ASB10: variants seen among roughly 807,000 people sequenced by gnomAD.
The protein encoded by ASB10 is ankyrin repeat and SOCS box containing 10.
ASB10 carries 44 observed loss-of-function variants against 35.4 expected under a neutral mutation model. The observed-to-expected ratio is 1.24, with a 90% CI of 0.98 to 1.60. The LOEUF is 1.60. ASB10 is among the 40% of genes most tolerant of loss of function. ASB10 has a pLI of 0.00. For synonymous variants in ASB10, 294 were observed against 280.4 expected (o/e 1.05, Z -0.49); for missense variants, 647 against 634.3 (o/e 1.02, Z -0.22).
At chr7:151,179,049 T>A (rs772682005) in intron 3 of ASB10, among the ~76,000 whole-genome samples, 5 of 152,192 alleles carry the variant, frequency 3.3e-5, no homozygotes, top group Non-Finnish European at 5.9e-5. Flanking sequence ...TACATCAACC[T>A]GCTTCACTCC....
chr7:151,187,187 G>C lies in ASB10; in HGVS notation c.-57C>G. The C allele has an allele frequency of 6.4e-7, 1 of 1,550,590 alleles. No homozygotes were observed. The highest frequency in any genetic ancestry group is 8.7e-7 in the Non-Finnish European group (1 of 1,146,668). On this transcript the variant is annotated 5_prime_UTR_variant, in exon 1 of 6. Coordinates refer to ENST00000420175, the MANE Select transcript of ASB10 (RefSeq NM_001142459.2). The surrounding 1 kb of genome is among the most constrained non-coding windows in gnomAD (Gnocchi z 5.3). ...GAGGTATATGCCAAAGGCAGAGAGA[G>C]AGAGAGAGAGCAGGAGGGAAATACA...
At chr7:151,182,253 C>T (rs930715283) in intron 2 of ASB10, among the ~76,000 whole-genome samples, 4 of 152,068 alleles carry the variant, frequency 2.6e-5, no homozygotes, top group Non-Finnish European at 4.4e-5. Flanking sequence ...TGACAGTGGG[C>T]ACACATGGAA....
intron 2 of ASB10, among the ~76,000 whole-genome samples, chr7:151,182,492 C>T (rs1285302878): frequency 1.3e-5 from 2 of 152,118 alleles, no homozygotes; most frequent in Non-Finnish European, 2.9e-5. Context: ...GCAGGAGAAT[C>T]GCTTGAACCT....
In ASB10 at chr7:151,176,185, G is replaced by A; in HGVS notation, c.1331C>T (p.Ala444Val). ...CGGTGGCAGGGGGAGGCGGGGCAGC[G>A]CTTGGGGCAGGCTGCCCTCCAGGTG... ...RSHLEGSLPQ[A>V]LPRLPLPPRL... The change falls in exon 5 of 6, where the codon GCG becomes GTG. Residue 444 changes from alanine to valine, a missense_variant. By Grantham distance (64) the Ala-to-Val change is moderately conservative (BLOSUM62 0). Transcript: ENST00000420175. The A allele has an allele frequency of 6.2e-7, 1 of 1,611,078 alleles. No individual in the cohort carries two copies.
At chr7:151,175,989 A>T in intron 5 of ASB10, 23 bp from the exon 6 acceptor site, 1 of 1,231,082 alleles carries the variant, frequency 8.1e-7, no homozygotes, top group South Asian at 1.6e-5. Flanking sequence ...GTTTGGATTC[A>T]GAGGCTTCTG....
chr7:151,177,970 G>A (rs186037938), intron 3 of ASB10, among the ~76,000 whole-genome samples: 197 of 152,330 alleles, frequency 1.3e-3, no homozygotes, highest in Middle Eastern at 3.4e-3. Context: ...AGAAGGAGCC[G>A]GGCGTGGCGG....
chr7:151,187,613 G>A (rs1801627531), upstream of ASB10: 5 of 1,542,484 alleles, frequency 3.2e-6, no homozygotes, highest in South Asian at 1.2e-5. The surrounding 1 kb of genome is among the most constrained non-coding windows in gnomAD (Gnocchi z 5.3). Context: ...TGGCCGAGGG[G>A]GCTCCCAGGC....
chr7:151,187,698 G>A, upstream of ASB10: 3 of 1,479,484 alleles, frequency 2.0e-6, no homozygotes, highest in South Asian at 2.7e-5. This position sits in a 1 kb window ranked among gnomAD's most constrained non-coding sequence, Gnocchi z 5.3. Flanking sequence ...CCCCAGTGGG[G>A]AGAGGAGTTC....
intron 2 of ASB10, among the ~76,000 whole-genome samples, chr7:151,185,461 G>A (rs1801571902): frequency 6.6e-6 from 1 of 152,058 alleles, no homozygotes; most frequent in Admixed American, 6.6e-5. Flanking sequence ...ACTGTAAATT[G>A]CATATATGGC....
At chr7:151,187,334 T>C (rs1412019607), upstream of ASB10, 7 of 1,522,790 alleles carry the variant, frequency 4.6e-6, no homozygotes, top group East Asian at 1.2e-4. This position sits in a 1 kb window ranked among gnomAD's most constrained non-coding sequence, Gnocchi z 5.3. Flanking sequence ...TTGGGCAAGC[T>C]TTGAGGTCGG....
intron 2 of ASB10, among the ~76,000 whole-genome samples, chr7:151,182,894 G>T (rs973037970): frequency 6.6e-6 from 1 of 152,176 alleles, no homozygotes; most frequent in Non-Finnish European, 1.5e-5. Flanking sequence ...TCATTATCCT[G>T]TCTGACTTTC....
chr7:151,183,118 C>T lies in ASB10; in HGVS notation c.585-1660G>A, dbSNP rs774712384. ...AATGTGGCTAATCCTAACTGAGATG[C>T]GGTGTGTTATATGCTTGCCTTTTTT... On this transcript the variant is annotated intron_variant, in intron 2 of 5. Coordinates refer to ENST00000420175, the MANE Select transcript of ASB10 (RefSeq NM_001142459.2). Among the ~76,000 whole-genome samples, 69 of 152,220 alleles carry T rather than the reference C, an allele frequency of 4.5e-4. 1 individual carries two copies. Among genetic ancestry groups the T allele is most frequent in the Middle Eastern group, 3.4e-3 (1 of 294 alleles).
In ASB10 at chr7:151,176,159, G is replaced by C. The variant is rs3800791; in HGVS notation, c.1357C>G (p.Arg453Gly). The C allele has an allele frequency of 6.2e-7, 1 of 1,611,704 alleles. No individual in the cohort carries two copies. The highest frequency in any genetic ancestry group is 1.7e-5 in the Admixed American group (1 of 59,986). The change falls in exon 5 of 6, where the codon CGC becomes GGC. Residue 453 changes from arginine (R) to glycine (G), a missense_variant. Coordinates refer to ENST00000420175, the MANE Select transcript of ASB10 (RefSeq NM_001142459.2). ...QALPRLPLPPRLLRYLQLDFE... is the reference protein window; with the variant it reads ...QALPRLPLPPGLLRYLQLDFE... ...TCCAGCTGCAGGTAGCGGAGCAGGC[G>C]CGGTGGCAGGGGGAGGCGGGGCAGC... is the stretch of plus-strand genomic sequence containing the variant.
At chr7:151,184,392 G>A (rs1340096220) in intron 2 of ASB10, among the ~76,000 whole-genome samples, 3 of 136,910 alleles carry the variant, frequency 2.2e-5, no homozygotes, top group South Asian at 2.2e-4. Flanking sequence ...CAGCCTGGGC[G>A]ACAGAGTAAA....
At chr7:151,185,462 C>A (rs1746252247) in intron 2 of ASB10, among the ~76,000 whole-genome samples, 1 of 152,052 alleles carries the variant, frequency 6.6e-6, no homozygotes, top group Admixed American at 6.6e-5. Flanking sequence ...CTGTAAATTG[C>A]ATATATGGCT....
In ASB10 at chr7:151,186,988, G is replaced by A. The variant is rs151344615; in HGVS notation, c.143C>T (p.Thr48Ile). Residue 48 changes from threonine to isoleucine, a missense_variant, in exon 1 of 6, where the codon ACC becomes ATC. Transcript: ENST00000420175. ...HLKSGPGPIV[T>I]RTASGPALAF... ...AAGGGCAGGTCCTGAGGCTGTGCGG[G>A]TGACGATGGGTCCCGGGCCAGACTT... 3 of 1,612,068 alleles carry A rather than the reference G, an allele frequency of 1.9e-6. No homozygotes were observed. The highest frequency in any genetic ancestry group is 2.5e-6 in the Non-Finnish European group (3 of 1,178,620).
chr7:151,187,361 G>A, upstream of ASB10: 2 of 1,538,160 alleles, frequency 1.3e-6, no homozygotes, highest in Non-Finnish European at 1.8e-6. The surrounding 1 kb of genome is among the most constrained non-coding windows in gnomAD (Gnocchi z 5.3). Flanking sequence ...ACAGCCGGGG[G>A]CTTCTCCTTT....
intron 2 of ASB10, among the ~76,000 whole-genome samples, chr7:151,184,286 G>A (rs1391661514): frequency 1.3e-5 from 2 of 151,952 alleles, no homozygotes; most frequent in African/African-American, 4.8e-5. Flanking sequence ...GGTGGTGGGC[G>A]CCTGTAGTTC....
At chr7:151,183,401 A>G (rs1179599497) in intron 2 of ASB10, among the ~76,000 whole-genome samples, 4 of 151,870 alleles carry the variant, frequency 2.6e-5, no homozygotes, top group Non-Finnish European at 5.9e-5. Flanking sequence ...GAGAGACCCT[A>G]TCTCTCTCTC....
Sources: allele counts gnomAD v4.1 joint callset (sites outside exome capture counted in the v4.1 genomes callset), GRCh38; gene constraint gnomAD v4.1.1; non-coding constraint Gnocchi (gnomAD v3.1); transcripts MANE v1.5; gene names NCBI Gene and HGNC (gene_info 2026-07-23, HGNC 2026-07-21).